Variants in SLC26A11 observed in about 807,000 individuals in gnomAD.
SLC26A11 encodes the protein solute carrier family 26 member 11.
A neutral mutation model predicts 62.2 loss-of-function variants in SLC26A11; 58 were observed. The observed-to-expected ratio is 0.93, with a 90% CI of 0.76 to 1.16. The LOEUF (loss-of-function observed/expected upper bound fraction) is 1.16. Ranked by LOEUF, SLC26A11 falls within the 50% of genes most tolerant of loss-of-function variation. SLC26A11 has a pLI of 0.00. For missense variants in SLC26A11, 790 were observed against 794.3 expected (o/e 0.99, Z 0.06); for synonymous variants, 411 against 368.9 (o/e 1.11, Z -1.31).
rs757379307 is a variant in SLC26A11, at chr17:80,248,626, C to A, written c.1474C>A (p.Pro492Thr). The change falls in exon 15 of 18, where the codon CCT becomes ACT. Residue 492 changes from proline to threonine, a missense_variant. Physicochemically the swap from Pro to Thr is conservative, Grantham distance 38. Coordinates refer to ENST00000361193, the MANE Select transcript of SLC26A11 (RefSeq NM_001166347.2). ...VLQPASGLSF[P>T]AMEALREEIL... ...GCAGCCGGCCAGCGGCCTGTCCTTC[C>A]CTGCCATGGAGGCTCTGCGGGAGGA... 1 of 1,590,310 alleles carries A rather than the reference C, an allele frequency of 6.3e-7. No homozygotes were observed. Among genetic ancestry groups the A allele is most frequent in the South Asian group, 1.1e-5 (1 of 87,172 alleles).
rs113063316 is a variant in SLC26A11 at position 80,238,602 on chromosome 17, C to A, written c.985+1008C>A. ...TCCACTCCTGCCAGCTTTGTATTGT[C>A]TGTGCGGATGACACCTTCGTTCTGT... On this transcript the variant is annotated intron_variant, in intron 9 of 17. Coordinates refer to ENST00000361193, the MANE Select transcript of SLC26A11 (RefSeq NM_001166347.2). Among the ~76,000 whole-genome samples the A allele has an allele frequency of 2.0e-3, 297 of 152,256 alleles. 3 individuals are homozygous for A. Among genetic ancestry groups the A allele is most frequent in the African/African-American group, 6.7e-3 (279 of 41,550 alleles).
chr17:80,223,538 C>T lies in SLC26A11; in HGVS notation c.513+201C>T, dbSNP rs767644878. Among the ~76,000 whole-genome samples the T allele has an allele frequency of 1.4e-4, 21 of 152,212 alleles. No individual in the cohort carries two copies. Among genetic ancestry groups the T allele is most frequent in the Non-Finnish European group, 2.8e-4 (19 of 68,036 alleles). ...AAAATGACCCTCCTGGGAGGGATGTCACGTGATGGTTGGATTTCACAGCGG... is the reference window on the plus strand; with the variant it reads ...AAAATGACCCTCCTGGGAGGGATGTTACGTGATGGTTGGATTTCACAGCGG... On this transcript the variant is annotated intron_variant, in intron 5 of 17. Transcript: ENST00000361193. The surrounding 1 kb of genome is among the most constrained non-coding windows in gnomAD (Gnocchi z 4.6).
chr17:80,247,814 C>T (rs561763029), intron 13 of SLC26A11, among the ~76,000 whole-genome samples: 92 of 152,208 alleles, frequency 6.0e-4, no homozygotes, highest in Non-Finnish European at 1.1e-3. Context: ...CAAGGGCTCA[C>T]GTGGTCCCTG....
chr17:80,225,647 C>T (rs2042387004), intron 5 of SLC26A11, 190 bp from the exon 6 acceptor site: 1 of 595,530 alleles, frequency 1.7e-6, no homozygotes, highest in Admixed American at 3.1e-5. Context: ...TAGCTTTGAT[C>T]TCCTGCCCTA....
chr17:80,248,862 C>T (rs9904116), intron 15 of SLC26A11, among the ~76,000 whole-genome samples, 188 bp downstream of exon 15: 97,933 of 152,056 alleles, frequency 0.64, 33,514 homozygotes, highest in East Asian at 0.95. Flanking sequence ...GGGTGGTGGC[C>T]CCCCACATAT....
intron 16 of SLC26A11, 82 bp from the exon 17 acceptor site, chr17:80,251,247 G>T: frequency 6.2e-7 from 1 of 1,612,842 alleles, no homozygotes; most frequent in South Asian, 1.1e-5. Flanking sequence ...GGGAGACTCT[G>T]AGATGGCAGG....
At chr17:80,238,811 G>GGTT (rs1555629117) in intron 9 of SLC26A11, among the ~76,000 whole-genome samples, 21 of 123,262 alleles carry the variant, frequency 1.7e-4, no homozygotes, top group African/African-American at 7.2e-4. Flanking sequence ...CTTCAAAGGA[G>GGTT]TTTTTTTTGT....
intron 16 of SLC26A11, 22 bp downstream of exon 16, chr17:80,249,309 T>C: frequency 1.2e-6 from 2 of 1,606,008 alleles, no homozygotes; most frequent in Non-Finnish European, 1.7e-6. Context: ...CTGGGCTGCC[T>C]TAGGGGTTAG....
chr17:80,245,343 C>G (rs1324363304), intron 11 of SLC26A11, 87 bp downstream of exon 11: 3 of 1,377,774 alleles, frequency 2.2e-6, no homozygotes, highest in South Asian at 1.2e-5. Context: ...GCCCTGACCC[C>G]GGCGCCCCGT....
In SLC26A11 at chr17:80,248,656, C is replaced by G. The variant is rs776192949; in HGVS notation, c.1504C>G (p.Leu502Val). The G allele has an allele frequency of 1.3e-6, 2 of 1,575,176 alleles. No individual in the cohort carries two copies. Among genetic ancestry groups the G allele is most frequent in the Admixed American group, 1.8e-5 (1 of 54,608 alleles). Reference sequence around the variant, plus strand: ...CATGGAGGCTCTGCGGGAGGAGATCCTAAGCCGGGCCCTGGAAGGTGCATG... The same window carrying G: ...CATGGAGGCTCTGCGGGAGGAGATCGTAAGCCGGGCCCTGGAAGGTGCATG... ...PAMEALREEI[L>V]SRALEVSPPR... Residue 502 changes from leucine (L) to valine (V), a missense_variant, in exon 15 of 18, where the codon CTA (leucine) becomes GTA (valine). Coordinates refer to ENST00000361193, the MANE Select transcript of SLC26A11 (RefSeq NM_001166347.2).
In SLC26A11 at chr17:80,222,857, T is replaced by A. The variant is rs1404282697; in HGVS notation, c.427+10T>A. 1.2e-6 allele frequency: 2 copies of A among 1,612,744 alleles called. No individual in the cohort carries two copies. The highest frequency in any genetic ancestry group is 2.7e-5 in the African/African-American group (2 of 74,916). Reference sequence around the variant, plus strand: ...GGGGTCCTGCGTTTGGGTGAGGCTCTACCTTCTTGCCAAGGGGATGCCCTC... The same window carrying A: ...GGGGTCCTGCGTTTGGGTGAGGCTCAACCTTCTTGCCAAGGGGATGCCCTC... On this transcript the variant is annotated intron_variant, in intron 4 of 17. Transcript: ENST00000361193. The surrounding 1 kb of genome is among the most constrained non-coding windows in gnomAD (Gnocchi z 4.7).
chr17:80,234,092 C>T (rs2042630415), intron 7 of SLC26A11, among the ~76,000 whole-genome samples: 1 of 152,122 alleles, frequency 6.6e-6, no homozygotes, highest in Non-Finnish European at 1.5e-5. Context: ...GCAATCTCTG[C>T]CTCCTGGGTT....
chr17:80,231,291 TA>T (rs2042561563), intron 7 of SLC26A11, among the ~76,000 whole-genome samples: 1 of 151,484 alleles, frequency 6.6e-6, no homozygotes, highest in Non-Finnish European at 1.5e-5. Context: ...GCCTCCCAAG[TA>T]GCTGGGATTA....
chr17:80,226,529 C>T (rs1248309397), intron 6 of SLC26A11, among the ~76,000 whole-genome samples: 2 of 152,134 alleles, frequency 1.3e-5, no homozygotes, highest in African/African-American at 2.4e-5. Context: ...GGTGAAACTC[C>T]GTCTCTACTA....
intron 8 of SLC26A11, 196 bp from the exon 9 acceptor site, chr17:80,237,326 G>C (rs2042723989): frequency 1.3e-6 from 1 of 744,502 alleles, no homozygotes; most frequent in East Asian, 2.7e-5. Flanking sequence ...CTCCTGTTTT[G>C]GACTCCAGCT....
chr17:80,222,688 G>C lies in SLC26A11; in HGVS notation c.268G>C (p.Val90Leu). 1 of 1,614,082 alleles carries C rather than the reference G, an allele frequency of 6.2e-7. No individual in the cohort carries two copies. Among genetic ancestry groups the C allele is most frequent in the Non-Finnish European group, 8.5e-7 (1 of 1,180,004 alleles). Residue 90 changes from valine (V) to leucine (L), a missense_variant, in exon 4 of 18, where the codon GTG (valine) becomes CTG (leucine). Val to Leu is a conservative substitution (Grantham distance 32). Coordinates refer to ENST00000361193, the MANE Select transcript of SLC26A11 (RefSeq NM_001166347.2). This position sits in a 1 kb window ranked among gnomAD's most constrained non-coding sequence, Gnocchi z 4.7. ...GLYSAFMGCFVYFFLGTSRDV... is the reference protein window; with the variant it reads ...GLYSAFMGCFLYFFLGTSRDV... ...CTACTCTGCCTTCATGGGCTGCTTC[G>C]TGTATTTCTTCCTGGGCACCTCCCG... is the stretch of plus-strand genomic sequence containing the variant.
At chr17:80,248,767 A>G (rs2144981954) in intron 15 of SLC26A11, 93 bp downstream of exon 15, 1 of 1,189,066 alleles carries the variant, frequency 8.4e-7, no homozygotes, top group Middle Eastern at 1.9e-4. Flanking sequence ...CCTGTCCCCA[A>G]CGCTCTCCAG....
chr17:80,242,589 C>T (rs528770472), intron 10 of SLC26A11, among the ~76,000 whole-genome samples: 126 of 152,288 alleles, frequency 8.3e-4, no homozygotes, highest in African/African-American at 2.8e-3. Context: ...CATGAAGACT[C>T]GGGGGCCCCA....
chr17:80,248,099 C>T (rs751248957), intron 13 of SLC26A11, 31 bp from the exon 14 acceptor site: 72 of 1,578,586 alleles, frequency 4.6e-5, no homozygotes, highest in Middle Eastern at 2.0e-4. Context: ...GGGCAGCTGC[C>T]GGGCATTCCT....
Sources: gnomAD v4.1 joint callset for allele counts (sites outside exome capture counted in the v4.1 genomes callset) on GRCh38, gnomAD v4.1.1 for gene constraint, Gnocchi (gnomAD v3.1) non-coding constraint, MANE v1.5 for transcripts, NCBI Gene and HGNC (gene_info 2026-07-23, HGNC 2026-07-21) for gene names.